Variants in FAM135A observed in about 807,000 individuals in gnomAD.
FAM135A encodes the protein protein FAM135A.
In FAM135A, 79 loss-of-function variants were observed where a neutral mutation model predicts 146.8. The observed-to-expected ratio is 0.54, with a 90% CI of 0.45 to 0.65. FAM135A has a LOEUF of 0.65. Ranked by LOEUF, FAM135A falls within the 30% of genes least tolerant of loss-of-function variation. FAM135A has a pLI of 0.00. For missense variants in FAM135A, 1,623 were observed against 1,758.2 expected (o/e 0.92, Z 1.38); for synonymous variants, 562 against 603.6 (o/e 0.93, Z 1.01).
In FAM135A at chr6:70,431,799, T is replaced by C. The variant is rs567658765; in HGVS notation, c.77+3380T>C. ...TTTGAAGACTAGCTAGAAAACAAAT[T>C]GCTTGCTTAAGTTGTATTCATGAAA... On this transcript the variant is annotated intron_variant, in intron 4 of 21. Coordinates refer to ENST00000418814, the MANE Select transcript of FAM135A (RefSeq NM_001162529.3). Among the ~76,000 whole-genome samples, 8 of 152,306 alleles carry C rather than the reference T, an allele frequency of 5.3e-5. No individual in the cohort carries two copies. The South Asian group carries it at 1.7e-3, about 32-fold the overall frequency.
chr6:70,513,584 G>A (rs983648815), intron 12 of FAM135A, among the ~76,000 whole-genome samples: 1 of 151,738 alleles, frequency 6.6e-6, no homozygotes, highest in Non-Finnish European at 1.5e-5. Flanking sequence ...TTTTATGCCT[G>A]AAGTTTACTC....
chr6:70,436,257 C>T (rs1022993987), intron 4 of FAM135A, among the ~76,000 whole-genome samples: 1 of 150,468 alleles, frequency 6.6e-6, no homozygotes, highest in Admixed American at 6.6e-5. Context: ...TCACAAGAAA[C>T]TACCTCAAAT....
At chr6:70,436,801 C>T (rs1173410603) in intron 4 of FAM135A, among the ~76,000 whole-genome samples, 1 of 151,988 alleles carries the variant, frequency 6.6e-6, no homozygotes, top group African/African-American at 2.4e-5. Context: ...ATTGAATATC[C>T]CAACAATCTG....
intron 4 of FAM135A, among the ~76,000 whole-genome samples, chr6:70,435,965 C>T (rs536078318): frequency 4.5e-4 from 68 of 152,238 alleles, no homozygotes; most frequent in Non-Finnish European, 7.2e-4. Context: ...AGGCTGATCA[C>T]CTGAGGTCAG....
intron 5 of FAM135A, among the ~76,000 whole-genome samples, chr6:70,464,214 T>C (rs1220376266): frequency 1.3e-5 from 2 of 152,222 alleles, no homozygotes; most frequent in Admixed American, 6.5e-5. Context: ...ATTATCATGA[T>C]TGAATGTAAG....
chr6:70,438,448 C>T (rs538966859), intron 4 of FAM135A, among the ~76,000 whole-genome samples: 2 of 152,326 alleles, frequency 1.3e-5, no homozygotes, highest in East Asian at 3.9e-4. Context: ...AAATCGTGCA[C>T]GTCCCTCTTC....
chr6:70,558,862 A>G (rs897602766), intron 21 of FAM135A, among the ~76,000 whole-genome samples: 4 of 152,278 alleles, frequency 2.6e-5, no homozygotes, highest in African/African-American at 7.2e-5. Context: ...GAGGAACACA[A>G]GTACTAAATA....
chr6:70,545,680 G>A (rs1798725828), intron 20 of FAM135A, among the ~76,000 whole-genome samples: 1 of 152,138 alleles, frequency 6.6e-6, no homozygotes, highest in South Asian at 2.1e-4. Flanking sequence ...CTAAAATACT[G>A]GAAAAATAAT....
At chr6:70,490,047 A>G (rs900896010) in intron 10 of FAM135A, among the ~76,000 whole-genome samples, 3 of 152,206 alleles carry the variant, frequency 2.0e-5, no homozygotes, top group Middle Eastern at 3.2e-3. Context: ...TTTTTACCAC[A>G]TAATTGTGAT....
At position 70,533,260 on chromosome 6, in the gene FAM135A, T is replaced by C; in HGVS notation, c.3867+9T>C. 1 of 1,600,940 alleles carries C rather than the reference T, an allele frequency of 6.2e-7. No homozygotes were observed. The highest frequency in any genetic ancestry group is 1.7e-4 in the Middle Eastern group (1 of 6,016). On this transcript the variant is annotated intron_variant, in intron 17 of 21. Transcript: ENST00000418814. ...TGTCTGAGAGAAATCAGGTACAATA[T>C]GACAGTGTTTTCAGTGAAAACAAAC...
chr6:70,456,748 G>T (rs933657031), intron 5 of FAM135A, among the ~76,000 whole-genome samples: 1 of 152,092 alleles, frequency 6.6e-6, no homozygotes, highest in African/African-American at 2.4e-5. Context: ...TAACTTTATG[G>T]AAATATTTCT....
At chr6:70,540,800 C>T (rs991860987) in intron 20 of FAM135A, among the ~76,000 whole-genome samples, 4 of 152,070 alleles carry the variant, frequency 2.6e-5, no homozygotes, top group Non-Finnish European at 5.9e-5. Flanking sequence ...TGATCTCTTC[C>T]AAAAAAGATC....
In FAM135A at chr6:70,541,941, G is replaced by A. The variant is rs1453518196; in HGVS notation, c.4228+3540G>A. On this transcript the variant is annotated intron_variant, in intron 20 of 21. Coordinates refer to ENST00000418814, the MANE Select transcript of FAM135A (RefSeq NM_001162529.3). ...ACATTTAACCTTCTTAGTGGCTGAT[G>A]GATGCTTCTCTTCTTCTTTGCCACT... 2.5e-4 allele frequency among the ~76,000 whole-genome samples: 38 copies of A among 152,126 alleles called. 1 individual carries two copies. The highest frequency in any genetic ancestry group is 2.5e-3 in the Admixed American group (38 of 15,272).
At chr6:70,461,440 C>T (rs567330778) in intron 5 of FAM135A, among the ~76,000 whole-genome samples, 4 of 152,218 alleles carry the variant, frequency 2.6e-5, no homozygotes, top group East Asian at 1.9e-4. Context: ...TGTTTTGACT[C>T]ATTATGCTAT....
intron 5 of FAM135A, among the ~76,000 whole-genome samples, chr6:70,454,056 C>T (rs1777715246): frequency 6.6e-6 from 1 of 152,192 alleles, no homozygotes; most frequent in African/African-American, 2.4e-5. Context: ...CCTGTTTCTC[C>T]ACATCCTCTC....
intron 4 of FAM135A, among the ~76,000 whole-genome samples, chr6:70,436,421 A>G (rs529572982): frequency 1.3e-5 from 2 of 152,316 alleles, no homozygotes; most frequent in South Asian, 4.1e-4. Context: ...AGTTTACGTC[A>G]GCTATCGGAA....
At chr6:70,491,716 C>G (rs1021620856) in intron 11 of FAM135A, among the ~76,000 whole-genome samples, 1 of 151,842 alleles carries the variant, frequency 6.6e-6, no homozygotes, top group African/African-American at 2.4e-5. Flanking sequence ...TATACATACG[C>G]AGGATACATC....
chr6:70,464,646 CTTTCTTTCTTTCTTTTT>C (rs1780022557), intron 5 of FAM135A, among the ~76,000 whole-genome samples: 1 of 136,426 alleles, frequency 7.3e-6, no homozygotes, highest in African/African-American at 3.0e-5. Context: ...AAATTTCTTT[CTTTCTTTCTTTCTTTTT>C]TTTCTTTTTT....
chr6:70,501,565 C>T (rs1425187502), intron 11 of FAM135A, among the ~76,000 whole-genome samples: 1 of 152,222 alleles, frequency 6.6e-6, no homozygotes, highest in African/African-American at 2.4e-5. Context: ...GCAGCTAGCT[C>T]AGTGTCTGCC....
Sources: gnomAD v4.1 joint callset for allele counts (sites outside exome capture counted in the v4.1 genomes callset) on GRCh38, gnomAD v4.1.1 for gene constraint, MANE v1.5 for transcripts, NCBI Gene and HGNC (gene_info 2026-07-23, HGNC 2026-07-21) for gene names.